DPP6: variants seen among roughly 807,000 people sequenced by gnomAD.
DPP6 encodes A-type potassium channel modulatory protein DPP6.
In DPP6, 69 loss-of-function variants were observed where a neutral mutation model predicts 122.6. The observed-to-expected ratio is 0.56, with a 90% CI of 0.46 to 0.69. The LOEUF (loss-of-function observed/expected upper bound fraction) is 0.69. DPP6 is among the 30% of genes least tolerant of loss of function. DPP6 has a pLI of 0.00. For missense variants in DPP6, 928 were observed against 1,116.9 expected, an observed-to-expected ratio of 0.83 and a Z score of 2.41; for synonymous variants, 418 against 433.1, an observed-to-expected ratio of 0.97 and a Z score of 0.43.
At chr7:154,274,064 C>T (rs571976790) in intron 1 of DPP6, among the ~76,000 whole-genome samples, 1 of 152,288 alleles carries the variant, frequency 6.6e-6, no homozygotes, top group East Asian at 1.9e-4. Context: ...AGCCCTGCAC[C>T]AGCATCAGGT....
chr7:153,915,961 T>G (rs1256873906), intron 1 of DPP6, among the ~76,000 whole-genome samples: 2 of 151,582 alleles, frequency 1.3e-5, no homozygotes, highest in Admixed American at 6.6e-5. Context: ...ATTTATTTAT[T>G]TATTTATTTA....
At chr7:154,499,753 C>T (rs190387272) in intron 3 of DPP6, among the ~76,000 whole-genome samples, 33 of 152,108 alleles carry the variant, frequency 2.2e-4, no homozygotes, top group Non-Finnish European at 3.4e-4. Context: ...ACCCACCAAC[C>T]CCCCCAGATC....
intron 1 of DPP6, among the ~76,000 whole-genome samples, chr7:154,243,986 A>G (rs73726193): frequency 0.023 from 3,509 of 152,214 alleles, 130 homozygotes; most frequent in African/African-American, 0.078. Context: ...GAGAGAAAAA[A>G]ATTGTAAAAT....
intron 1 of DPP6, among the ~76,000 whole-genome samples, chr7:154,286,166 A>G (rs943391039): frequency 1.3e-5 from 2 of 152,200 alleles, no homozygotes; most frequent in African/African-American, 4.8e-5. Context: ...TGAGATTTTA[A>G]GGAGTGGGAT....
chr7:154,787,141 C>T (rs1172134317), intron 10 of DPP6, among the ~76,000 whole-genome samples: 3 of 152,190 alleles, frequency 2.0e-5, no homozygotes, highest in Non-Finnish European at 4.4e-5. Flanking sequence ...TTGGAGACTT[C>T]CAGTGTTTTC....
At chr7:154,889,137 A>G in intron 23 of DPP6, 135 bp from the exon 24 acceptor site, 2 of 1,370,982 alleles carry the variant, frequency 1.5e-6, no homozygotes, top group Non-Finnish European at 1.9e-6. Flanking sequence ...TTGCAGATAT[A>G]AGGCATCCCG....
intron 1 of DPP6, among the ~76,000 whole-genome samples, chr7:153,913,974 C>T (rs891344088): frequency 1.3e-5 from 2 of 152,178 alleles, no homozygotes; most frequent in Non-Finnish European, 2.9e-5. Context: ...AGAGAGAATA[C>T]TTGCACTTAC....
chr7:154,809,057 T>C (rs989213186), intron 16 of DPP6, among the ~76,000 whole-genome samples: 1 of 152,208 alleles, frequency 6.6e-6, no homozygotes, highest in Non-Finnish European at 1.5e-5. Flanking sequence ...AGCAACTTTA[T>C]GGATTTGTAT....
At chr7:154,058,272 G>C (rs1461224157) in intron 1 of DPP6, 1 of 148,812 alleles carries the variant, frequency 6.7e-6, no homozygotes, top group Non-Finnish European at 1.5e-5. Flanking sequence ...CGGGGACTGA[G>C]AGCGAGCCCC....
At chr7:154,712,579 C>T (rs572297342) in intron 7 of DPP6, among the ~76,000 whole-genome samples, 1 of 152,268 alleles carries the variant, frequency 6.6e-6, no homozygotes, top group South Asian at 2.1e-4. Flanking sequence ...AAGAAACTTA[C>T]AATCATGGCA....
intron 8 of DPP6, among the ~76,000 whole-genome samples, chr7:154,761,179 C>T (rs932285265): frequency 6.6e-6 from 1 of 152,198 alleles, no homozygotes; most frequent in Non-Finnish European, 1.5e-5. Flanking sequence ...ATCTAAAATA[C>T]AATGGCATAA....
At chr7:154,795,223 C>A (rs1232643185) in intron 11 of DPP6, among the ~76,000 whole-genome samples, 1 of 152,208 alleles carries the variant, frequency 6.6e-6, no homozygotes, top group Non-Finnish European at 1.5e-5. Context: ...ATGACAGAGG[C>A]CTGCTCCAGG....
chr7:154,064,829 GC>G (rs1227898014), intron 1 of DPP6, among the ~76,000 whole-genome samples: 2 of 152,202 alleles, frequency 1.3e-5, no homozygotes, highest in African/African-American at 4.8e-5. Flanking sequence ...ACATGGCCCA[GC>G]CACTTGGAGT....
chr7:153,942,189 C>A (rs1563031446), intron 1 of DPP6, among the ~76,000 whole-genome samples: 5 of 152,230 alleles, frequency 3.3e-5, no homozygotes, highest in Admixed American at 2.0e-4. Context: ...TTCACCGCTG[C>A]CTTTTTATCA....
At chr7:154,886,307 TATGGCTCTCCATGAGC>T (rs1426641562) in intron 22 of DPP6, among the ~76,000 whole-genome samples, 2 of 152,082 alleles carry the variant, frequency 1.3e-5, no homozygotes, top group Non-Finnish European at 2.9e-5. Context: ...CCTCAGAGAG[TATGGCTCTCCATGAGC>T]ACAAGGCAGA....
chr7:153,925,483 C>T (rs1258396698), intron 1 of DPP6, among the ~76,000 whole-genome samples: 1 of 124,474 alleles, frequency 8.0e-6, no homozygotes, highest in African/African-American at 3.2e-5. Context: ...CCTGCATGAT[C>T]GAGGGTCCCT....
In DPP6 at chr7:153,924,134, C is replaced by T. The variant is rs566446347; in HGVS notation, c.51+36400C>T. Among the ~76,000 whole-genome samples the T allele has an allele frequency of 1.8e-3, 257 of 143,828 alleles. 2 individuals carry two copies. Among genetic ancestry groups the T allele is most frequent in the South Asian group, 7.9e-3 (36 of 4,540 alleles). The allele number at this position is 143,828 out of a possible 152,430, so 94.4% of individuals were successfully genotyped here. On this transcript the variant is annotated intron_variant, in intron 1 of 25. Transcript: ENST00000404039. ...TTATTGAGGATTTTTTTTTTTTTTT[C>T]GAGACGGAGTCTTGCTCTGTCACCA...
In DPP6 at chr7:154,122,381, AAAG is replaced by A. The variant is rs376873778; in HGVS notation, c.243+69325_243+69327del. 1.6e-3 allele frequency among the ~76,000 whole-genome samples: 241 copies of A among 152,344 alleles called. 1 individual carries two copies. Among genetic ancestry groups the A allele is most frequent in the African/African-American group, 5.2e-3 (218 of 41,572 alleles). ...GAAAGAGAACCACATATAGTCAAGG[AAAG>A]AAGAAGTGGCCTACAAACCTGTGAT... On this transcript the variant is annotated intron_variant, in intron 1 of 25. Transcript: ENST00000377770.
intron 1 of DPP6, among the ~76,000 whole-genome samples, chr7:154,079,430 A>T (rs1036582876): frequency 1.3e-5 from 2 of 152,202 alleles, no homozygotes; most frequent in African/African-American, 2.4e-5. Context: ...TACTGCGCAA[A>T]TGAAGGGTGG....
Sources: allele counts gnomAD v4.1 joint callset (sites outside exome capture counted in the v4.1 genomes callset), GRCh38; gene constraint gnomAD v4.1.1; transcripts MANE v1.5; gene names NCBI Gene and HGNC (gene_info 2026-07-23, HGNC 2026-07-21).